The following FSTL5 variants were observed in gnomAD, a reference collection of about 807,000 sequenced individuals.
FSTL5 encodes the protein follistatin-related protein 5.
A neutral mutation model predicts 89.1 loss-of-function variants in FSTL5; 62 were observed. The ratio of observed to expected loss-of-function variants is 0.70; its 90% CI spans 0.57 to 0.86. The LOEUF is 0.86. FSTL5 is among the 40% of genes least tolerant of loss of function. The probability of loss-of-function intolerance (pLI) is 0.00; values close to 1 mark genes in which losing one functional copy is unlikely to be tolerated. For missense variants in FSTL5, 1,057 were observed against 1,001.6 expected (o/e 1.06, Z -0.75); for synonymous variants, 383 against 346.2 (o/e 1.11, Z -1.18).
chr4:161,833,450 C>G, intron 4 of FSTL5, among the ~76,000 whole-genome samples: 1 of 93,494 alleles, frequency 1.1e-5, no homozygotes, highest in Admixed American at 1.2e-4. Context: ...AACTTTCTGT[C>G]TCGTTGATCT....
chr4:161,821,590 C>A (rs1427607542), intron 4 of FSTL5, among the ~76,000 whole-genome samples: 1 of 152,134 alleles, frequency 6.6e-6, no homozygotes, highest in Non-Finnish European at 1.5e-5. Flanking sequence ...ACCCCCAAAT[C>A]CCTGAAGTCC....
At chr4:162,066,473 GCTGCATAGGTATA>G (rs1478485097) in intron 2 of FSTL5, among the ~76,000 whole-genome samples, 1 of 138,280 alleles carries the variant, frequency 7.2e-6, no homozygotes, top group East Asian at 2.2e-4. Context: ...TAGCATGTTT[GCTGCATAGGTATA>G]CATGTGCCAT....
chr4:161,405,219 G>A (rs908193187), intron 15 of FSTL5, among the ~76,000 whole-genome samples: 8 of 150,106 alleles, frequency 5.3e-5, no homozygotes, highest in African/African-American at 1.7e-4. Context: ...GACAACAAGA[G>A]TGAAACTTTG....
Position 161,440,288 on chromosome 4 carries a change from T to TA in FSTL5, c.1841+14715dup, listed in dbSNP as rs970159705. The stretch of plus-strand genomic sequence containing the variant: ...ACCAATATCACATATCTGGACTTGA[T>TA]AGAGTATTTTTTCCTCCTACACCAC... On this transcript the variant is annotated intron_variant, in intron 15 of 15. Transcript: ENST00000306100. Among the ~76,000 whole-genome samples the TA allele has an allele frequency of 7.7e-4, 117 of 152,204 alleles. 1 individual carries two copies. Among genetic ancestry groups the TA allele is most frequent in the African/African-American group, 2.7e-3 (111 of 41,530 alleles).
At chr4:162,051,881 A>G (rs1738389823) in intron 2 of FSTL5, among the ~76,000 whole-genome samples, 1 of 151,660 alleles carries the variant, frequency 6.6e-6, no homozygotes, top group African/African-American at 2.4e-5. Flanking sequence ...AGGTTATAGA[A>G]TAGAAACTAT....
intron 8 of FSTL5, among the ~76,000 whole-genome samples, chr4:161,558,569 C>T (rs1419917584): frequency 1.3e-5 from 2 of 151,792 alleles, no homozygotes; most frequent in East Asian, 1.9e-4. Flanking sequence ...CTTTCTCACT[C>T]AATCCTCTGT....
chr4:161,428,587 C>T (rs80127191), intron 15 of FSTL5, among the ~76,000 whole-genome samples: 1 of 152,164 alleles, frequency 6.6e-6, no homozygotes, highest in South Asian at 2.1e-4. Flanking sequence ...TCCAGGCCCT[C>T]GCTCCTGGAT....
At chr4:161,527,592 G>A (rs1052011931) in intron 10 of FSTL5, among the ~76,000 whole-genome samples, 2 of 152,018 alleles carry the variant, frequency 1.3e-5, no homozygotes, top group Non-Finnish European at 2.9e-5. Flanking sequence ...AAACCACAAT[G>A]AGATACCATC....
intron 6 of FSTL5, among the ~76,000 whole-genome samples, chr4:161,756,000 C>T (rs1740555525): frequency 6.6e-6 from 1 of 151,914 alleles, no homozygotes; most frequent in Non-Finnish European, 1.5e-5. Flanking sequence ...TAAATATCTT[C>T]TCACTAATGC....
At chr4:161,445,799 A>G (rs1349165185) in intron 15 of FSTL5, among the ~76,000 whole-genome samples, 3 of 151,940 alleles carry the variant, frequency 2.0e-5, no homozygotes, top group Non-Finnish European at 4.4e-5. Flanking sequence ...CATGTGCTTC[A>G]GTTTTGTTTG....
rs118000900 is a variant in FSTL5, at chr4:162,030,264, A to T, written c.160+3361T>A. Among the ~76,000 whole-genome samples the T allele has an allele frequency of 8.7e-4, 132 of 152,192 alleles. 2 individuals carry two copies. In the East Asian group the frequency reaches 0.023, roughly 27 times the overall value. On this transcript the variant is annotated intron_variant, in intron 3 of 15. Transcript: ENST00000306100. ...ATGATTTCTCAAAATGCTGGCATGT[A>T]TGAAAGCTAAGTCTTATTTAATAAT...
chr4:162,087,358 A>T, intron 2 of FSTL5, among the ~76,000 whole-genome samples: 1 of 152,254 alleles, frequency 6.6e-6, no homozygotes, highest in South Asian at 2.1e-4. Flanking sequence ...TAAAGCACAG[A>T]AAACTTAATT....
At chr4:161,529,138 G>A (rs1214434778) in intron 10 of FSTL5, among the ~76,000 whole-genome samples, 2 of 142,960 alleles carry the variant, frequency 1.4e-5, no homozygotes, top group Non-Finnish European at 3.1e-5. Context: ...AGTAGTTTAC[G>A]GTTGCTGAAA....
At chr4:161,636,403 T>G (rs951777488) in intron 7 of FSTL5, among the ~76,000 whole-genome samples, 1 of 151,536 alleles carries the variant, frequency 6.6e-6, no homozygotes, top group Non-Finnish European at 1.5e-5. Context: ...TCTTGCCCCT[T>G]CAATCATGTA....
intron 3 of FSTL5, among the ~76,000 whole-genome samples, chr4:161,974,064 C>CCTCTTCAAGGT (rs1220502659): frequency 6.6e-6 from 1 of 152,044 alleles, no homozygotes; most frequent in African/African-American, 2.4e-5. Context: ...ATGTGAAGGA[C>CCTCTTCAAGGT]CTCTTCAAGG....
chr4:162,090,240 G>A (rs1009547738), intron 2 of FSTL5, among the ~76,000 whole-genome samples: 3 of 152,002 alleles, frequency 2.0e-5, no homozygotes, highest in African/African-American at 4.8e-5. Context: ...AAATTAACAA[G>A]TGGGATCCAA....
At chr4:161,604,819 G>C (rs1578960512) in intron 7 of FSTL5, among the ~76,000 whole-genome samples, 1 of 152,272 alleles carries the variant, frequency 6.6e-6, no homozygotes, top group East Asian at 1.9e-4. Context: ...GCTAGAGCCT[G>C]AGCATTGAGG....
chr4:161,848,741 G>A (rs145774541), intron 4 of FSTL5, among the ~76,000 whole-genome samples: 11 of 152,178 alleles, frequency 7.2e-5, no homozygotes, highest in Non-Finnish European at 1.0e-4. Flanking sequence ...ACCTGTTGTC[G>A]CTGCCTCTAC....
chr4:161,387,535 TTTTA>T (rs1454592601), intron 15 of FSTL5: 2 of 152,024 alleles, frequency 1.3e-5, no homozygotes, highest in African/African-American at 2.4e-5. Context: ...TGACATGTAG[TTTTA>T]TTTATGTAAA....
Sources: allele counts gnomAD v4.1 joint callset (sites outside exome capture counted in the v4.1 genomes callset), GRCh38; gene constraint gnomAD v4.1.1; transcripts MANE v1.5; gene names NCBI Gene and HGNC (gene_info 2026-07-23, HGNC 2026-07-21).